NALCN: variants seen among roughly 807,000 people sequenced by gnomAD.
NALCN encodes sodium leak channel NALCN.
In NALCN, 111 loss-of-function variants were observed where a neutral mutation model predicts 225.3. The ratio of observed to expected loss-of-function variants is 0.49; its 90% CI spans 0.42 to 0.58. NALCN has a LOEUF of 0.58. Ranked by LOEUF, NALCN falls within the 20% of genes least tolerant of loss-of-function variation. The probability of loss-of-function intolerance (pLI) is 0.00; values close to 1 mark genes in which losing one functional copy is unlikely to be tolerated. For missense variants in NALCN, 1,378 were observed against 2,202.4 expected (o/e 0.63, Z 7.49); for synonymous variants, 764 against 769.0 (o/e 0.99, Z 0.11).
chr13:101,290,260 C>T (rs1319809406), intron 9 of NALCN, among the ~76,000 whole-genome samples: 2 of 152,106 alleles, frequency 1.3e-5, no homozygotes, highest in East Asian at 3.9e-4. Flanking sequence ...TGATTTTATA[C>T]GTGAGAGTTA....
chr13:101,095,494 A>T, intron 28 of NALCN, 80 bp downstream of exon 28: 1 of 1,112,834 alleles, frequency 9.0e-7, no homozygotes, highest in Non-Finnish European at 1.3e-6. Flanking sequence ...ACTTTTAGTT[A>T]CATGCCATAT....
intron 17 of NALCN, among the ~76,000 whole-genome samples, chr13:101,139,527 TCTAATGTC>T (rs2036964560): frequency 6.6e-6 from 1 of 152,176 alleles, no homozygotes; most frequent in South Asian, 2.1e-4. Context: ...TAAACCAGCC[TCTAATGTC>T]CTTTTTCTTT....
At chr13:101,239,292 C>G (rs1250668385) in intron 11 of NALCN, among the ~76,000 whole-genome samples, 1 of 151,838 alleles carries the variant, frequency 6.6e-6, no homozygotes, top group African/African-American at 2.4e-5. Flanking sequence ...CAAGTTCATA[C>G]TTTCTATACA....
intron 30 of NALCN, among the ~76,000 whole-genome samples, chr13:101,086,601 T>G (rs1415335522): frequency 6.6e-6 from 1 of 152,102 alleles, no homozygotes; most frequent in Non-Finnish European, 1.5e-5. Context: ...CTCAAATTGT[T>G]GTAATTAGAG....
chr13:101,140,455 A>AT (rs1475946628), intron 17 of NALCN, among the ~76,000 whole-genome samples: 3 of 152,170 alleles, frequency 2.0e-5, no homozygotes, highest in East Asian at 3.9e-4. Flanking sequence ...GTTACCAGTG[A>AT]TTTTTAAAAG....
chr13:101,379,008 T>C (rs55727458), intron 3 of NALCN, among the ~76,000 whole-genome samples: 34,675 of 150,120 alleles, frequency 0.23, 4,120 homozygotes, highest in Non-Finnish European at 0.27. Flanking sequence ...GAACCAAGAG[T>C]GCACTGTGGT....
intron 17 of NALCN, chr13:101,142,871 G>A (rs576352760): frequency 8.6e-6 from 5 of 584,496 alleles, no homozygotes; most frequent in East Asian, 3.4e-5. Context: ...GCCACGTGGC[G>A]CAGCTCAAAA....
intron 19 of NALCN, 74 bp from the exon 20 acceptor site, chr13:101,110,762 T>C: frequency 6.7e-7 from 1 of 1,492,026 alleles, no homozygotes; most frequent in Non-Finnish European, 9.3e-7. Flanking sequence ...CATGATAAAA[T>C]CAAAATAAAA....
intron 27 of NALCN, among the ~76,000 whole-genome samples, chr13:101,098,409 CA>C (rs2034629804): frequency 6.6e-6 from 1 of 152,152 alleles, no homozygotes; most frequent in African/African-American, 2.4e-5. Context: ...GCCTTGGACA[CA>C]ACTGACATTT....
intron 15 of NALCN, among the ~76,000 whole-genome samples, chr13:101,168,839 C>T (rs1434345670): frequency 6.6e-6 from 1 of 152,138 alleles, no homozygotes; most frequent in Non-Finnish European, 1.5e-5. Flanking sequence ...ACACATTAGC[C>T]ACAGCAAACT....
intron 14 of NALCN, among the ~76,000 whole-genome samples, chr13:101,186,384 G>A (rs145504508): frequency 6.6e-6 from 1 of 152,278 alleles, no homozygotes; most frequent in African/African-American, 2.4e-5. Context: ...ACGTAGGTTA[G>A]TACCTGCACG....
intron 18 of NALCN, among the ~76,000 whole-genome samples, chr13:101,115,737 T>C (rs2035678563): frequency 6.6e-6 from 1 of 152,228 alleles, no homozygotes; most frequent in South Asian, 2.1e-4. Flanking sequence ...CTAATTTTAC[T>C]GGAAGAATAC....
intron 1 of NALCN, among the ~76,000 whole-genome samples, chr13:101,415,459 C>T (rs753029796): frequency 6.6e-6 from 1 of 151,986 alleles, no homozygotes; most frequent in Non-Finnish European, 1.5e-5. Context: ...AAAATTGTAC[C>T]TGAAACTGAA....
At chr13:101,362,352 G>A (rs2046274195) in intron 6 of NALCN, among the ~76,000 whole-genome samples, 2 of 152,076 alleles carry the variant, frequency 1.3e-5, no homozygotes, top group African/African-American at 4.8e-5. Context: ...AGGCTTGGAA[G>A]TTAGACTTGA....
chr13:101,080,387 C>T (rs1391819590), intron 34 of NALCN, among the ~76,000 whole-genome samples: 1 of 151,780 alleles, frequency 6.6e-6, no homozygotes, highest in African/African-American at 2.4e-5. Context: ...AAGGATACTA[C>T]TTATCTCAAT....
chr13:101,070,063 G>GTTCT (rs536866923), intron 37 of NALCN, among the ~76,000 whole-genome samples: 23,624 of 97,070 alleles, frequency 0.24, 4,542 homozygotes, highest in Admixed American at 0.44. Context: ...AATCATGAAT[G>GTTCT]TTTTTTTTTT....
intron 15 of NALCN, among the ~76,000 whole-genome samples, chr13:101,172,381 G>C (rs1356862309): frequency 2.0e-5 from 3 of 152,018 alleles, no homozygotes; most frequent in Admixed American, 2.0e-4. Flanking sequence ...TTCATATCTG[G>C]TGTTTTCCTA....
At chr13:101,207,978 AC>A (rs1285413071) in intron 13 of NALCN, among the ~76,000 whole-genome samples, 7 of 150,238 alleles carry the variant, frequency 4.7e-5, no homozygotes, top group South Asian at 2.1e-4. Flanking sequence ...GGAATGAACA[AC>A]TCCAGAGGCG....
intron 17 of NALCN, among the ~76,000 whole-genome samples, chr13:101,136,383 C>T (rs2036793688): frequency 1.3e-5 from 2 of 152,012 alleles, no homozygotes; most frequent in African/African-American, 4.8e-5. Context: ...TATGCATGTG[C>T]CATGTTTGTG....
Sources: allele counts gnomAD v4.1 joint callset (sites outside exome capture counted in the v4.1 genomes callset), GRCh38; gene constraint gnomAD v4.1.1; transcripts MANE v1.5; gene names NCBI Gene and HGNC (gene_info 2026-07-23, HGNC 2026-07-21).